The following MND1 variants were observed in gnomAD, a reference collection of about 807,000 sequenced individuals.
The protein encoded by MND1 is meiotic nuclear division protein 1 homolog.
A neutral mutation model predicts 35.1 loss-of-function variants in MND1; 28 were observed. The ratio of observed to expected loss-of-function variants is 0.80; its 90% confidence interval spans 0.59 to 1.09. The LOEUF is 1.09. MND1 is among the 50% of genes least tolerant of loss of function. MND1 has a pLI of 0.00. For missense variants in MND1, 213 were observed against 239.6 expected (o/e 0.89, Z 0.73); for synonymous variants, 69 against 70.5 (o/e 0.98, Z 0.11).
At chr4:153,380,907 T>TG (rs1348671579) in intron 4 of MND1, among the ~76,000 whole-genome samples, 19 of 150,190 alleles carry the variant, frequency 1.3e-4, no homozygotes, top group Non-Finnish European at 2.8e-4. Context: ...ACATCAGAGT[T>TG]TTTTTTTTTT....
intron 4 of MND1, among the ~76,000 whole-genome samples, chr4:153,386,092 G>A (rs957472130): frequency 3.9e-5 from 6 of 152,110 alleles, no homozygotes; most frequent in African/African-American, 1.2e-4. Context: ...GTGGAATTAG[G>A]TCACCTATGG....
chr4:153,388,366 A>G (rs1260680839), intron 4 of MND1, among the ~76,000 whole-genome samples: 1 of 152,156 alleles, frequency 6.6e-6, no homozygotes, highest in Non-Finnish European at 1.5e-5. Flanking sequence ...ACATGCCTGT[A>G]GTCCCAGCTA....
In MND1 at chr4:153,414,866, A is replaced by T. The variant is rs1024773790; in HGVS notation, c.*9A>T. ...TTGACTACATAGACTAAAATATTCC[A>T]TGGTGGTGAAGGATGTACAAGCTTG... On this transcript the variant is annotated 3_prime_UTR_variant, in exon 8 of 8. Transcript: ENST00000240488. 5 of 1,205,308 alleles carry T rather than the reference A, an allele frequency of 4.1e-6. No individual in the cohort carries two copies. The African/African-American group carries it at 7.7e-5, about 19-fold the overall frequency. The allele number at this position is 1,205,308 out of a possible 1,614,324, so 74.7% of individuals were successfully genotyped here. A position where few individuals can be genotyped will look rare whatever the true frequency, so the allele number is the denominator to read the frequency against.
chr4:153,382,149 C>T (rs1031144585), intron 4 of MND1: 1 of 151,776 alleles, frequency 6.6e-6, no homozygotes, highest in East Asian at 1.9e-4. Flanking sequence ...AGATACAGGG[C>T]CTTGTTCAGG....
intron 4 of MND1, among the ~76,000 whole-genome samples, chr4:153,374,607 A>C (rs1728444945): frequency 6.6e-6 from 1 of 151,814 alleles, no homozygotes; most frequent in South Asian, 2.1e-4. Flanking sequence ...CTTGTTAATT[A>C]CTTCCAGATG....
rs1399997255 is a variant in MND1 at position 153,394,283 on chromosome 4, C to T, written c.298C>T (p.His100Tyr). Residue 100 changes from histidine (H) to tyrosine (Y), a missense_variant, in exon 5 of 8, where the codon CAT becomes TAT. Transcript: ENST00000240488. ...CTAGTTGTCTGAGGGAAGTCAAAAG[C>T]ATGCAAGCCTACAGAAAAGCATTGA... ...ESQLSEGSQKHASLQKSIEKA... is the reference protein window; with the variant it reads ...ESQLSEGSQKYASLQKSIEKA... 6.2e-6 allele frequency: 10 copies of T among 1,612,594 alleles called. No individual in the cohort carries two copies. The highest frequency in any genetic ancestry group is 7.6e-6 in the Non-Finnish European group (9 of 1,179,022).
intron 4 of MND1, among the ~76,000 whole-genome samples, chr4:153,376,430 G>A (rs1728512020): frequency 6.6e-6 from 1 of 152,072 alleles, no homozygotes; most frequent in South Asian, 2.1e-4. Context: ...TCTCTTCTTT[G>A]CCCTTCCCAA....
chr4:153,349,509 C>G (rs974912092), intron 1 of MND1, among the ~76,000 whole-genome samples: 3 of 152,208 alleles, frequency 2.0e-5, no homozygotes, highest in Non-Finnish European at 4.4e-5. Flanking sequence ...AATCCCCCTA[C>G]ATACTTCATA....
intron 6 of MND1, among the ~76,000 whole-genome samples, chr4:153,401,643 C>T (rs1729350357): frequency 6.6e-6 from 1 of 152,130 alleles, no homozygotes; most frequent in Non-Finnish European, 1.5e-5. Context: ...GGATTAAAGG[C>T]TTATGAGTTT....
At chr4:153,355,794 T>A in intron 3 of MND1, 83 bp downstream of exon 3, 2 of 882,786 alleles carry the variant, frequency 2.3e-6, no homozygotes, top group Non-Finnish European at 3.7e-6. Flanking sequence ...TTAAGTCATC[T>A]TTTCTGCAAC....
chr4:153,393,368 CTTT>C (rs60689772), intron 4 of MND1, among the ~76,000 whole-genome samples: 13 of 125,334 alleles, frequency 1.0e-4, no homozygotes, highest in African/African-American at 1.5e-4. Flanking sequence ...CAATTTCTTT[CTTT>C]TTTTTTTTTT....
intron 4 of MND1, among the ~76,000 whole-genome samples, chr4:153,389,483 C>T (rs1398603376): frequency 1.3e-5 from 2 of 152,172 alleles, no homozygotes; most frequent in Non-Finnish European, 1.5e-5. Context: ...GCCTCAGTCT[C>T]CTGAGTAGCT....
chr4:153,404,174 CTTTTTTT>C (rs71598277), intron 6 of MND1, among the ~76,000 whole-genome samples: 1 of 73,784 alleles, frequency 1.4e-5, no homozygotes, highest in South Asian at 6.0e-4. Flanking sequence ...AAAATTGGTT[CTTTTTTT>C]TTTTTTTTTT....
intron 1 of MND1, 72 bp from the exon 2 acceptor site, chr4:153,349,992 A>G (rs1381670292): frequency 9.3e-7 from 1 of 1,077,902 alleles, no homozygotes; most frequent in Non-Finnish European, 1.4e-6. Flanking sequence ...ATAAAATTTC[A>G]AATGTTGCAA....
At chr4:153,357,676 G>A (rs985652482) in intron 3 of MND1, among the ~76,000 whole-genome samples, 6 of 152,148 alleles carry the variant, frequency 3.9e-5, no homozygotes, top group African/African-American at 1.2e-4. Flanking sequence ...AATTACACCA[G>A]TGTCCTAATG....
At chr4:153,347,837 AGTTGCTT>A (rs1773110837) in intron 1 of MND1, among the ~76,000 whole-genome samples, 2 of 152,124 alleles carry the variant, frequency 1.3e-5, no homozygotes, top group South Asian at 4.1e-4. Context: ...TTGTATTACA[AGTTGCTT>A]AGGTCTCCAT....
intron 4 of MND1, among the ~76,000 whole-genome samples, chr4:153,367,726 A>T (rs1773691886): frequency 6.6e-6 from 1 of 152,338 alleles, no homozygotes; most frequent in African/African-American, 2.4e-5. Context: ...TCTAGGTCAT[A>T]TGGTAACTCT....
intron 4 of MND1, among the ~76,000 whole-genome samples, chr4:153,387,598 A>G (rs1014625344): frequency 6.6e-6 from 1 of 151,938 alleles, no homozygotes; most frequent in Non-Finnish European, 1.5e-5. Flanking sequence ...ATCTCTGCAA[A>G]AAAATGAAAA....
chr4:153,404,406 T>C (rs999880608), intron 6 of MND1, among the ~76,000 whole-genome samples: 6 of 150,100 alleles, frequency 4.0e-5, no homozygotes, highest in Non-Finnish European at 7.4e-5. Flanking sequence ...TTGGCCAGGA[T>C]GGTCTCGATC....
Sources: allele counts gnomAD v4.1 joint callset (sites outside exome capture counted in the v4.1 genomes callset), GRCh38; gene constraint gnomAD v4.1.1; transcripts MANE v1.5; gene names NCBI Gene and HGNC (gene_info 2026-07-23, HGNC 2026-07-21).